Variants in GGA1 observed in about 807,000 individuals in gnomAD.
GGA1 encodes ADP-ribosylation factor-binding protein GGA1.
A neutral mutation model predicts 76.9 loss-of-function variants in GGA1; 18 were observed. That is an observed-to-expected ratio of 0.23 (90% CI 0.16 to 0.35). The LOEUF (loss-of-function observed/expected upper bound fraction) is 0.35, where lower values mean the gene tolerates loss of function less well. GGA1 is among the 10% of genes least tolerant of loss of function. GGA1 has a pLI of 1.00. For missense variants in GGA1, 755 were observed against 859.0 expected, an observed-to-expected ratio of 0.88 and a Z score of 1.51; for synonymous variants, 342 against 354.7, an observed-to-expected ratio of 0.96 and a Z score of 0.40.
rs200692910 is a variant in GGA1 at position 37,629,482 on chromosome 22, C to G, written c.1114C>G (p.Pro372Ala). The change falls in exon 12 of 17, where the codon CCT (proline) becomes GCT (alanine). Residue 372 changes from proline (P) to alanine (A), a missense_variant. Transcript: ENST00000343632. ...CTCAGGCCTCAGTGACCCCACACCC[C>G]CTTCAGGCCCAAGCCTGGATGGTAC... is the stretch of plus-strand genomic sequence containing the variant. ...MSLGLSDPTPPSGPSLDGTGW... is the reference protein window; with the variant it reads ...MSLGLSDPTPASGPSLDGTGW... 4.1e-5 allele frequency: 65 copies of G among 1,591,522 alleles called. No individual in the cohort carries two copies. The highest frequency in any genetic ancestry group is 5.5e-5 in the African/African-American group (4 of 73,034).
chr22:37,614,316 C>G (rs769876125), intron 2 of GGA1, 42 bp downstream of exon 2: 10 of 1,361,058 alleles, frequency 7.3e-6, no homozygotes, highest in Non-Finnish European at 7.4e-6. Context: ...CCTGCACTCT[C>G]CAGAACCCAG....
intron 3 of GGA1, chr22:37,618,152 A>C (rs531681470): frequency 1.4e-4 from 40 of 295,956 alleles, no homozygotes; most frequent in African/African-American, 8.7e-4. Flanking sequence ...AAAAATAGTA[A>C]GAAAATAATG....
chr22:37,609,026 G>A, intron 1 of GGA1, 123 bp downstream of exon 1: 1 of 1,395,792 alleles, frequency 7.2e-7, no homozygotes, highest in South Asian at 1.5e-5. Flanking sequence ...CGGCCCGGGA[G>A]GGGCGGTGTC....
Position 37,629,993 on chromosome 22 carries a change from CA to C in GGA1, c.1159-4del. On this transcript the variant is annotated splice_region_variant and splice_polypyrimidine_tract_variant and intron_variant, in intron 12 of 16. Coordinates refer to ENST00000343632, the MANE Select transcript of GGA1 (RefSeq NM_013365.5). ...CCCACCCCACCTGCATCCTTTTCCC[CA>C]CAGTCGTCGGATGCCACTGAGCCCC... is the stretch of plus-strand genomic sequence containing the variant. 1 of 1,544,964 alleles carries C rather than the reference CA, an allele frequency of 6.5e-7. No homozygotes were observed. The highest frequency in any genetic ancestry group is 8.7e-7 in the Non-Finnish European group (1 of 1,143,060).
chr22:37,632,846 C>G lies in GGA1; in HGVS notation c.*135C>G. The G allele has an allele frequency of 1.6e-6, 1 of 630,994 alleles. No individual in the cohort carries two copies. The highest frequency in any genetic ancestry group is 2.9e-6 in the Non-Finnish European group (1 of 346,972). The allele number at this position is 630,994 out of a possible 1,614,324, so 39.1% of individuals were successfully genotyped here. On this transcript the variant is annotated 3_prime_UTR_variant, in exon 17 of 17. Transcript: ENST00000343632. This position sits in a 1 kb window ranked among gnomAD's most constrained non-coding sequence, Gnocchi z 5.1. ...AGGCCTGGTGCTTCTCCCCACACCC[C>G]TGTAGGCCTCAAGTGACTCTTCCCC...
rs986749400 is a variant in GGA1, at chr22:37,624,782, G to A, written c.833-187G>A. ...GCAGTATGGCAGGGAGTGAATGAGGGAAGGGTGGGAGGTGAGACCAGGGAG... is the reference window on the plus strand; with the variant it reads ...GCAGTATGGCAGGGAGTGAATGAGGAAAGGGTGGGAGGTGAGACCAGGGAG... On this transcript the variant is annotated intron_variant, in intron 9 of 16. Coordinates refer to ENST00000343632, the MANE Select transcript of GGA1 (RefSeq NM_013365.5). This position sits in a 1 kb window ranked among gnomAD's most constrained non-coding sequence, Gnocchi z 4.3. 1.5e-4 allele frequency: 110 copies of A among 717,704 alleles called. No homozygotes were observed. The highest frequency in any genetic ancestry group is 2.2e-4 in the Non-Finnish European group (100 of 448,416). The allele number at this position is 717,704 out of a possible 1,614,324, so 44.5% of individuals were successfully genotyped here. A position where few individuals can be genotyped will look rare whatever the true frequency, so the allele number is the denominator to read the frequency against.
rs1049737267 is a variant in GGA1 at position 37,623,189 on chromosome 22, T to A, written c.610-138T>A. 86 of 840,186 alleles carry A rather than the reference T, an allele frequency of 1.0e-4. 1 individual carries two copies. The Admixed American group carries it at 1.4e-3, about 14-fold the overall frequency. 52.0% of individuals were successfully genotyped at this position (840,186 alleles called of 1,614,324 possible). ...ATGAGGGGCTCCTGGCAGGGCCTGC[T>A]GGAGCCCCACCCAGAGTGTGATCCC... On this transcript the variant is annotated intron_variant, in intron 7 of 16. Coordinates refer to ENST00000343632, the MANE Select transcript of GGA1 (RefSeq NM_013365.5). This position sits in a 1 kb window ranked among gnomAD's most constrained non-coding sequence, Gnocchi z 4.6.
At chr22:37,611,429 C>T (rs908432982) in intron 1 of GGA1, among the ~76,000 whole-genome samples, 1 of 152,208 alleles carries the variant, frequency 6.6e-6, no homozygotes, top group East Asian at 1.9e-4. Flanking sequence ...TGCTCTGTAA[C>T]ATTTTGCAAC....
In GGA1 at chr22:37,621,705, C is replaced by T. The variant is rs768686778; in HGVS notation, c.609+9C>T. 14 of 1,547,844 alleles carry T rather than the reference C, an allele frequency of 9.0e-6. No homozygotes were observed. The highest frequency in any genetic ancestry group is 4.8e-5 in the East Asian group (2 of 41,456). On this transcript the variant is annotated intron_variant, in intron 7 of 16. Transcript: ENST00000343632. ...AAGAGATGGTGCAGGAGGTAGCGGC[C>T]GAGCCCAGAGCACAGGGAGGAGGCG...
chr22:37,620,136 T>A (rs1929608825), intron 4 of GGA1, 102 bp from the exon 5 acceptor site: 1 of 1,363,454 alleles, frequency 7.3e-7, no homozygotes, highest in South Asian at 1.2e-5. Flanking sequence ...GCTAGAGGGC[T>A]TCCCGGGGAG....
At position 37,614,175 on chromosome 22, in the gene GGA1, G is replaced by A. The variant is rs376822259; in HGVS notation, c.44-15G>A. On this transcript the variant is annotated splice_polypyrimidine_tract_variant and intron_variant, in intron 1 of 16. Coordinates refer to ENST00000343632, the MANE Select transcript of GGA1 (RefSeq NM_013365.5). Reference sequence around the variant, plus strand: ...CCACTGCCGGGCCACAATGACCCCAGCTCTCCTCTTCCAGATAGAGCCACG... The same window carrying A: ...CCACTGCCGGGCCACAATGACCCCAACTCTCCTCTTCCAGATAGAGCCACG... 5.0e-6 allele frequency: 8 copies of A among 1,592,442 alleles called. No homozygotes were observed. The Admixed American group carries it at 1.2e-4, about 23-fold the overall frequency.
At chr22:37,614,624 T>C (rs1406592089) in intron 2 of GGA1, among the ~76,000 whole-genome samples, 2 of 152,180 alleles carry the variant, frequency 1.3e-5, no homozygotes, top group African/African-American at 2.4e-5. Context: ...TGTTCCCCAA[T>C]TGGGAGGAGG....
intron 2 of GGA1, among the ~76,000 whole-genome samples, chr22:37,615,485 G>A (rs1038560961): frequency 2.6e-5 from 4 of 151,910 alleles, no homozygotes; most frequent in African/African-American, 9.7e-5. Context: ...AAAAAATAAG[G>A]CCGGGTGTGG....
intron 1 of GGA1, chr22:37,612,797 C>A: frequency 1.1e-5 from 5 of 456,898 alleles, no homozygotes; most frequent in Non-Finnish European, 1.4e-5. Flanking sequence ...ATCCATATTT[C>A]ATTCCAGCTT....
rs1930561208 is a variant in GGA1 at position 37,625,042 on chromosome 22, G to A, written c.906G>A (p.Glu302=). ...NLYKQLVRGE[E]VNGDATAGSI... is the part of the protein sequence containing the mutation. ...ATAAGCAGCTGGTGCGGGGTGAGGA[G>A]GTCAACGGTGATGCCACAGCCGGCT... The change falls in exon 10 of 17, where the codon GAG becomes GAA. Residue 302 remains glutamate, a synonymous_variant. Transcript: ENST00000343632. The surrounding 1 kb of genome is among the most constrained non-coding windows in gnomAD (Gnocchi z 4.1). 6.2e-7 allele frequency: 1 copy of A among 1,600,550 alleles called. No homozygotes were observed. The highest frequency in any genetic ancestry group is 8.5e-7 in the Non-Finnish European group (1 of 1,174,268).
rs1322488972 is a variant in GGA1, at chr22:37,620,351, AAAG to A, written c.421_423del (p.Lys141del). ...AAATCGCAGAGGCCTACCAGATGCT[AAAG>A]AAGCAGGGTGAGGCACACAGAGGGT... On this transcript the variant is annotated inframe_deletion, in exon 5 of 17. Coordinates refer to ENST00000343632, the MANE Select transcript of GGA1 (RefSeq NM_013365.5). 5.0e-6 allele frequency: 8 copies of A among 1,613,860 alleles called. No homozygotes were observed. In the African/African-American group the frequency reaches 5.3e-5, roughly 11 times the overall value.
chr22:37,628,670 T>C (rs984381267), intron 11 of GGA1, among the ~76,000 whole-genome samples: 1 of 152,186 alleles, frequency 6.6e-6, no homozygotes, highest in Non-Finnish European at 1.5e-5. Flanking sequence ...AAGAAGTGCA[T>C]CTAGAAGGGA....
intron 1 of GGA1, among the ~76,000 whole-genome samples, chr22:37,612,171 T>A (rs897956745): frequency 1.4e-5 from 2 of 147,276 alleles, no homozygotes; most frequent in East Asian, 4.0e-4. Context: ...AAAATAAAAA[T>A]AAAAAAATAC....
At position 37,631,050 on chromosome 22, in the gene GGA1, C is replaced by A; in HGVS notation, c.1479C>A (p.Thr493=). The change falls in exon 14 of 17, where the codon ACC becomes ACA. Residue 493 remains threonine (T), a synonymous_variant. Coordinates refer to ENST00000343632, the MANE Select transcript of GGA1 (RefSeq NM_013365.5). ...GGCCTCCGCAGCAGCCCGTACCAAC[C>A]GAGCTCTCACTGGCCAGCATCACTG... ...PPRPPQQPVP[T]ELSLASITVP... 1 of 1,608,734 alleles carries A rather than the reference C, an allele frequency of 6.2e-7. No individual in the cohort carries two copies. Among genetic ancestry groups the A allele is most frequent in the Non-Finnish European group, 8.5e-7 (1 of 1,178,192 alleles).
Sources: allele counts gnomAD v4.1 joint callset (sites outside exome capture counted in the v4.1 genomes callset), GRCh38; gene constraint gnomAD v4.1.1; non-coding constraint Gnocchi (gnomAD v3.1); transcripts MANE v1.5; gene names NCBI Gene and HGNC (gene_info 2026-07-23, HGNC 2026-07-21).